Variants in ANXA6 observed in about 807,000 individuals in gnomAD.
ANXA6 encodes the protein 67 kDa calelectrin.
ANXA6 carries 71 observed loss-of-function variants against 95.4 expected under a neutral mutation model. The ratio of observed to expected loss-of-function variants is 0.74; its 90% CI spans 0.61 to 0.91. ANXA6 has a LOEUF of 0.91. Ranked by LOEUF, ANXA6 falls within the 40% of genes least tolerant of loss-of-function variation. ANXA6 has a pLI of 0.00. For synonymous variants in ANXA6, 289 were observed against 315.9 expected (o/e 0.91, Z 0.90); for missense variants, 830 against 876.4 (o/e 0.95, Z 0.67).
intron 23 of ANXA6, among the ~76,000 whole-genome samples, chr5:151,106,993 A>G (rs1189292005): frequency 6.6e-6 from 1 of 152,188 alleles, no homozygotes; most frequent in Non-Finnish European, 1.5e-5. Context: ...GTGTCTCCAA[A>G]GGCTAATTAT....
intron 15 of ANXA6, among the ~76,000 whole-genome samples, chr5:151,123,776 G>A (rs3792775): frequency 0.27 from 41,730 of 152,102 alleles, 6,296 homozygotes; most frequent in East Asian, 0.48. Flanking sequence ...CTGAGCACAG[G>A]CCCAGCTGAT....
At chr5:151,141,624 C>A in intron 2 of ANXA6, 1 of 985,454 alleles carries the variant, frequency 1.0e-6, no homozygotes, top group Non-Finnish European at 1.2e-6. Context: ...CTGCAGGACC[C>A]CGGCCAGGCC....
rs183084671 is a variant in ANXA6, at chr5:151,117,313, G to T, written c.1519-133C>A. The T allele has an allele frequency of 1.8e-4, 150 of 820,136 alleles. 1 individual carries two copies. In the African/African-American group the frequency reaches 2.3e-3, roughly 13 times the overall value. 50.8% of individuals were successfully genotyped at this position (820,136 alleles called of 1,614,324 possible). A position where few individuals can be genotyped will look rare whatever the true frequency, so the allele number is the denominator to read the frequency against. On this transcript the variant is annotated intron_variant, in intron 19 of 25. Transcript: ENST00000354546. ...TCAGCTACACAGGGACGAAAATCCT[G>T]CCTCTATAAGGTAGGCTGTTGTGGT...
At chr5:151,144,448 A>G (rs563421135) in intron 2 of ANXA6, among the ~76,000 whole-genome samples, 1 of 152,254 alleles carries the variant, frequency 6.6e-6, no homozygotes, top group East Asian at 1.9e-4. Context: ...CTTAAGATAG[A>G]GTCTGATTCT....
chr5:151,137,395 G>A, intron 5 of ANXA6, 74 bp from the exon 6 acceptor site: 4 of 1,277,502 alleles, frequency 3.1e-6, no homozygotes, highest in Non-Finnish European at 4.4e-6. Context: ...GGATCAGGGA[G>A]TGGCCAGAGC....
intron 1 of ANXA6, among the ~76,000 whole-genome samples, chr5:151,149,571 C>T (rs1766058443): frequency 6.6e-6 from 1 of 152,118 alleles, no homozygotes; most frequent in South Asian, 2.1e-4. Flanking sequence ...CCTGCAACCT[C>T]CACCTCCCGG....
At chr5:151,114,390 T>C (rs1203688925) in intron 20 of ANXA6, among the ~76,000 whole-genome samples, 2 of 151,844 alleles carry the variant, frequency 1.3e-5, no homozygotes, top group Non-Finnish European at 2.9e-5. Context: ...GGCGGGCGGA[T>C]CACTTGAGGT....
Position 151,122,236 on chromosome 5 carries a change from C to T in ANXA6, c.1258G>A (p.Glu420Lys). ...AGCCTTGCCAGGTCTCCAGAGATCT[C>T]AGACTTCAGGTCAGTCATTAAGTCC... The part of the protein sequence containing the change: ...GRDLMTDLKS[E>K]ISGDLARLIL... The change falls in exon 17 of 26, where the codon GAG becomes AAG. Residue 420 changes from glutamate (E) to lysine (K), a missense_variant. Physicochemically the swap from Glu to Lys is moderately conservative, Grantham distance 56. Transcript: ENST00000354546. The T allele has an allele frequency of 6.2e-7, 1 of 1,605,072 alleles. No individual in the cohort carries two copies. The highest frequency in any genetic ancestry group is 8.5e-7 in the Non-Finnish European group (1 of 1,176,400).
chr5:151,141,696 C>T lies in ANXA6; in HGVS notation c.19-1453G>A, dbSNP rs544724065. On this transcript the variant is annotated intron_variant, in intron 2 of 25. Transcript: ENST00000354546. The stretch of plus-strand genomic sequence containing the variant: ...CTCCTCTGAGGTATGCATGCGTCGG[C>T]GTGGAGTTACTATTTAAAGTTCTGA... The T allele has an allele frequency of 7.1e-6, 7 of 985,526 alleles. No homozygotes were observed. In the South Asian group the frequency reaches 1.9e-4, roughly 26 times the overall value. The allele number at this position is 985,526 out of a possible 1,614,324, so 61.0% of individuals were successfully genotyped here.
intron 11 of ANXA6, among the ~76,000 whole-genome samples, chr5:151,131,011 C>T (rs1765496168): frequency 6.6e-6 from 1 of 152,218 alleles, no homozygotes; most frequent in Non-Finnish European, 1.5e-5. Flanking sequence ...ACCCTAAGTT[C>T]ATCTGTTGAC....
intron 25 of ANXA6, among the ~76,000 whole-genome samples, chr5:151,102,992 C>T (rs548855909): frequency 3.3e-5 from 5 of 151,994 alleles, no homozygotes; most frequent in Admixed American, 2.0e-4. Context: ...GTAAGTTTTT[C>T]GTTTGTTTGT....
intron 8 of ANXA6, 25 bp from the exon 9 acceptor site, chr5:151,133,212 A>AG (rs752935916): frequency 6.5e-7 from 1 of 1,531,368 alleles, no homozygotes; most frequent in East Asian, 2.4e-5. Context: ...GTGGCACTTG[A>AG]CTGAAAGAGG....
intron 11 of ANXA6, 141 bp from the exon 12 acceptor site, chr5:151,129,670 G>T: frequency 2.1e-6 from 2 of 950,668 alleles, no homozygotes; most frequent in South Asian, 1.7e-5. Context: ...CATTCCCATT[G>T]AAGCTCTCTC....
intron 20 of ANXA6, among the ~76,000 whole-genome samples, chr5:151,113,574 C>T (rs879699133): frequency 2.0e-5 from 3 of 152,030 alleles, no homozygotes; most frequent in Non-Finnish European, 4.4e-5. Flanking sequence ...TTCTCACTTA[C>T]GCGGGTCAGA....
At chr5:151,109,433 G>T (rs918869486) in intron 22 of ANXA6, among the ~76,000 whole-genome samples, 1 of 152,036 alleles carries the variant, frequency 6.6e-6, no homozygotes, top group South Asian at 2.1e-4. Context: ...ATCATGACGC[G>T]GGACCCCAGA....
Position 151,110,594 on chromosome 5 carries a change from C to A in ANXA6, c.1590+33G>T, listed in dbSNP as rs554703518. 1.2e-5 allele frequency: 19 copies of A among 1,611,762 alleles called. 1 individual carries two copies. The South Asian group carries it at 2.0e-4, about 17-fold the overall frequency. On this transcript the variant is annotated intron_variant, in intron 21 of 25. Coordinates refer to ENST00000354546, the MANE Select transcript of ANXA6 (RefSeq NM_001155.5). ...GTAAAGGCGGACTTTACTCAGAGGC[C>A]GTTAAAACCCAAATGAAGAACAGGA...
chr5:151,144,787 C>A (rs1045040647), intron 2 of ANXA6, among the ~76,000 whole-genome samples: 1 of 152,146 alleles, frequency 6.6e-6, no homozygotes, highest in East Asian at 1.9e-4. Context: ...GTTCTTTGCA[C>A]GGGACTAATA....
rs141006511 is a variant in ANXA6 at position 151,103,122 on chromosome 5, G to T, written c.1962+448C>A. 8.3e-3 allele frequency among the ~76,000 whole-genome samples: 1,266 copies of T among 152,220 alleles called. 9 individuals are homozygous for T. The highest frequency in any genetic ancestry group is 0.013 in the Non-Finnish European group (864 of 68,016). On this transcript the variant is annotated intron_variant, in intron 25 of 25. Transcript: ENST00000354546. ...AGCGATTCTCTTGCCTCAGCCTCCT[G>T]AGTAGCTGGGATTACAGGCATGAGC...
intron 23 of ANXA6, among the ~76,000 whole-genome samples, chr5:151,105,669 C>T (rs554112583): frequency 6.6e-6 from 1 of 152,322 alleles, no homozygotes. Context: ...GTTTAGGCTC[C>T]ACCCTAAAGA....
Sources: allele counts gnomAD v4.1 joint callset (sites outside exome capture counted in the v4.1 genomes callset), GRCh38; gene constraint gnomAD v4.1.1; transcripts MANE v1.5; gene names NCBI Gene and HGNC (gene_info 2026-07-23, HGNC 2026-07-21).